Variants in CHL1 observed in about 807,000 individuals in gnomAD.
CHL1 encodes the protein cell adhesion molecule L1 like, also known as neural cell adhesion molecule L1-like protein.
CHL1 carries 96 observed loss-of-function variants against 141.9 expected under a neutral mutation model. The ratio of observed to expected loss-of-function variants is 0.68; its 90% CI spans 0.57 to 0.80. CHL1 has a LOEUF of 0.80. Ranked by LOEUF, CHL1 falls within the 30% of genes least tolerant of loss-of-function variation. The probability of loss-of-function intolerance (pLI) is 0.00; values close to 1 mark genes in which losing one functional copy is unlikely to be tolerated. For synonymous variants in CHL1, 613 were observed against 502.2 expected (o/e 1.22, Z -2.95); for missense variants, 1,820 against 1,457.2 (o/e 1.25, Z -4.05).
At chr3:378,086 C>T (rs1706566827) in intron 16 of CHL1, 144 bp downstream of exon 16, 2 of 577,482 alleles carry the variant, frequency 3.5e-6, no homozygotes, top group Admixed American at 3.7e-5. Context: ...AGCAACACAA[C>T]TTCAAATCCT....
Position 240,928 on chromosome 3 carries a change from G to T in CHL1, c.-174-3685G>T, listed in dbSNP as rs186039553. Among the ~76,000 whole-genome samples the T allele has an allele frequency of 1.0e-3, 156 of 152,110 alleles. 2 individuals carry two copies. The South Asian group carries it at 0.029, about 28-fold the overall frequency. On this transcript the variant is annotated intron_variant, in intron 1 of 27. Coordinates refer to ENST00000256509, the MANE Select transcript of CHL1 (RefSeq NM_006614.4). ...CTGTAAGTATTTGGGTTTATTTCTG[G>T]GTTCTCTATTCTGTTCCATTGGTCT...
intron 1 of CHL1, among the ~76,000 whole-genome samples, chr3:202,563 T>C (rs1699051270): frequency 6.6e-6 from 1 of 152,156 alleles, no homozygotes; most frequent in African/African-American, 2.4e-5. Context: ...TGACTAGAAA[T>C]CTGGATTTTT....
chr3:261,919 T>C (rs2125198785), intron 2 of CHL1, among the ~76,000 whole-genome samples: 1 of 133,878 alleles, frequency 7.5e-6, no homozygotes, highest in Non-Finnish European at 1.7e-5. Context: ...AGCTTGAGTA[T>C]ATTTAAGCCC....
intron 24 of CHL1, among the ~76,000 whole-genome samples, chr3:395,506 C>T (rs1293646217): frequency 6.6e-6 from 1 of 152,136 alleles, no homozygotes; most frequent in Non-Finnish European, 1.5e-5. Context: ...TCTTGCTAAG[C>T]TTTCTATGAT....
intron 1 of CHL1, among the ~76,000 whole-genome samples, chr3:230,550 G>A (rs1028008465): frequency 6.6e-5 from 10 of 151,906 alleles, no homozygotes; most frequent in African/African-American, 2.2e-4. Context: ...GTTACAGAAG[G>A]ACTAGAATTA....
chr3:354,790 T>A lies in CHL1; in HGVS notation c.1165+19T>A. The A allele has an allele frequency of 6.2e-7, 1 of 1,612,278 alleles. No homozygotes were observed. The highest frequency in any genetic ancestry group is 2.2e-5 in the East Asian group (1 of 44,838). ...GTTGACAGTAAGTTTAAAAACCAAT[T>A]GCAATGCAATGCTGAAGGCCCTGGT... On this transcript the variant is annotated intron_variant, in intron 11 of 27. Transcript: ENST00000256509.
At chr3:307,417 T>A (rs1699339342) in intron 2 of CHL1, among the ~76,000 whole-genome samples, 1 of 152,184 alleles carries the variant, frequency 6.6e-6, no homozygotes, top group Non-Finnish European at 1.5e-5. Context: ...GTGACAGAAA[T>A]CTGCAAGAAA....
chr3:321,151 T>A (rs914471126), intron 3 of CHL1, among the ~76,000 whole-genome samples: 2 of 152,100 alleles, frequency 1.3e-5, no homozygotes, highest in Non-Finnish European at 2.9e-5. Context: ...CTTAAATTAC[T>A]TGATGTACCT....
intron 2 of CHL1, among the ~76,000 whole-genome samples, chr3:284,472 C>G (rs1459798233): frequency 6.6e-6 from 1 of 152,162 alleles, no homozygotes; most frequent in East Asian, 1.9e-4. Context: ...CTGTTCCAAA[C>G]CGTGTGAGAA....
At chr3:405,434 T>C (rs2106442484) in intron 27 of CHL1, 61 bp from the exon 28 acceptor site, 1 of 1,111,430 alleles carries the variant, frequency 9.0e-7, no homozygotes, top group South Asian at 1.3e-5. Flanking sequence ...ATGACTGTGT[T>C]GCTTTACATG....
chr3:293,365 T>G (rs373684215), intron 2 of CHL1, among the ~76,000 whole-genome samples: 1 of 152,090 alleles, frequency 6.6e-6, no homozygotes, highest in Admixed American at 6.6e-5. Context: ...TAGCCGGGCA[T>G]GATGGCAGGT....
chr3:298,244 G>C (rs985157031), intron 2 of CHL1, among the ~76,000 whole-genome samples: 1 of 152,072 alleles, frequency 6.6e-6, no homozygotes, highest in African/African-American at 2.4e-5. Context: ...ACAATAAGTC[G>C]AATTGCTAAA....
rs753457308 is a variant in CHL1, at chr3:343,041, A to G, written c.727+10A>G. On this transcript the variant is annotated intron_variant, in intron 8 of 27. Transcript: ENST00000256509. ...GAAATTGGTTCCAAGGGTAAGTTGA[A>G]CCCATGTGGAGTGTTGGCATTTGTG... 6.2e-6 allele frequency: 10 copies of G among 1,604,842 alleles called. No homozygotes were observed. The highest frequency in any genetic ancestry group is 8.5e-6 in the Non-Finnish European group (10 of 1,176,080).
intron 20 of CHL1, among the ~76,000 whole-genome samples, chr3:390,188 AG>A (rs1708106694): frequency 6.6e-6 from 1 of 152,236 alleles, no homozygotes; most frequent in Non-Finnish European, 1.5e-5. Flanking sequence ...AAGTGAATTA[AG>A]ATAGTATTAG....
intron 1 of CHL1, among the ~76,000 whole-genome samples, chr3:222,191 A>G (rs1293691582): frequency 6.6e-6 from 1 of 152,176 alleles, no homozygotes; most frequent in African/African-American, 2.4e-5. Flanking sequence ...TCTGTTAGAG[A>G]TCTGAAGTTT....
At chr3:299,720 G>C (rs1323671887) in intron 2 of CHL1, among the ~76,000 whole-genome samples, 2 of 152,104 alleles carry the variant, frequency 1.3e-5, no homozygotes, top group African/African-American at 2.4e-5. Flanking sequence ...GCTCCCCTAG[G>C]CTTCGAAGCT....
chr3:348,309 A>C (rs2125188616), intron 9 of CHL1, among the ~76,000 whole-genome samples: 1 of 152,314 alleles, frequency 6.6e-6, no homozygotes, highest in South Asian at 2.1e-4. Flanking sequence ...CATCTTTAGA[A>C]CTCACCAAAT....
At chr3:298,917 C>A (rs141351962) in intron 2 of CHL1, among the ~76,000 whole-genome samples, 3 of 152,150 alleles carry the variant, frequency 2.0e-5, no homozygotes, top group Non-Finnish European at 2.9e-5. Context: ...TGACACAGAA[C>A]AAGTATCTCA....
rs756878615 is a variant in CHL1 at position 361,739 on chromosome 3, C to T, written c.1347C>T (p.Tyr449=). The change falls in exon 13 of 28, where the codon TAC becomes TAT. Residue 449 remains tyrosine (Y), a synonymous_variant. Transcript: ENST00000256509. ...TACAAACCAAAGATGGAGAAAATTA[C>T]GCTACAGTGGTTGGGTACAGTGCTT... is the stretch of plus-strand genomic sequence containing the variant. ...PLIQTKDGEN[Y]ATVVGYSAFL... is the part of the protein sequence containing the mutation. 2.7e-5 allele frequency: 43 copies of T among 1,613,228 alleles called. No individual in the cohort carries two copies. The highest frequency in any genetic ancestry group is 5.0e-5 in the Admixed American group (3 of 59,984).
Sources: gnomAD v4.1 joint callset for allele counts (sites outside exome capture counted in the v4.1 genomes callset) on GRCh38, gnomAD v4.1.1 for gene constraint, MANE v1.5 for transcripts, NCBI Gene and HGNC (gene_info 2026-07-23, HGNC 2026-07-21) for gene names.